Variants in IL1RAPL1 observed in about 807,000 individuals in gnomAD.
The protein encoded by IL1RAPL1 is interleukin 1 receptor accessory protein like 1.
A neutral mutation model predicts 48.4 loss-of-function variants in IL1RAPL1; 3 were observed. That is an observed-to-expected ratio of 0.06 (90% confidence interval 0.03 to 0.16). The LOEUF is 0.16. Ranked by LOEUF, IL1RAPL1 falls within the 10% of genes least tolerant of loss-of-function variation. The pLI, the probability that IL1RAPL1 is intolerant of heterozygous loss-of-function variation, is 1.00. For missense variants in IL1RAPL1, 349 were observed against 530.6 expected (o/e 0.66, Z 3.36); for synonymous variants, 185 against 187.7 (o/e 0.99, Z 0.12).
chrX:29,433,226 C>T (rs936535243), intron 5 of IL1RAPL1, among the ~76,000 whole-genome samples: 3 of 110,445 alleles, frequency 2.7e-5, no homozygotes, highest in East Asian at 2.8e-4. Context: ...CTTAAAATCC[C>T]GTACCACAGA....
chrX:29,088,256 T>C (rs1927998076), intron 2 of IL1RAPL1, among the ~76,000 whole-genome samples: 3 of 112,304 alleles, frequency 2.7e-5, no homozygotes, highest in Admixed American at 1.9e-4. Context: ...TTTTCTATGT[T>C]GAATTATGTA....
At chrX:28,763,820 C>G (rs767601023) in intron 1 of IL1RAPL1, among the ~76,000 whole-genome samples, 3 of 110,664 alleles carry the variant, frequency 2.7e-5, no homozygotes, top group African/African-American at 9.9e-5. Context: ...CATGGCAACC[C>G]TTAATCTAGT....
chrX:29,696,669 A>G (rs1009606494), intron 6 of IL1RAPL1, among the ~76,000 whole-genome samples: 9 of 111,998 alleles, frequency 8.0e-5, no homozygotes, highest in African/African-American at 2.9e-4. Flanking sequence ...CAGTTGGTCA[A>G]CATGAGCTTG....
intron 5 of IL1RAPL1, among the ~76,000 whole-genome samples, chrX:29,591,543 G>A (rs980750802): frequency 8.9e-6 from 1 of 111,980 alleles, no homozygotes; most frequent in Non-Finnish European, 1.9e-5. Flanking sequence ...TGCCTGGCTC[G>A]TCCCTCTGCC....
intron 2 of IL1RAPL1, among the ~76,000 whole-genome samples, chrX:29,265,586 G>A (rs1461773950): frequency 9.9e-6 from 1 of 101,333 alleles, no homozygotes; most frequent in Non-Finnish European, 2.0e-5. Flanking sequence ...TTGTCATTTA[G>A]CATTAGGTAT....
intron 6 of IL1RAPL1, among the ~76,000 whole-genome samples, chrX:29,773,049 A>G (rs1239637175): frequency 8.9e-6 from 1 of 112,094 alleles, no homozygotes; most frequent in Non-Finnish European, 1.9e-5. Context: ...TTGAAATAAT[A>G]GATGTGGAGA....
intron 1 of IL1RAPL1, among the ~76,000 whole-genome samples, chrX:28,588,883 C>G (rs192942654): frequency 9.0e-6 from 1 of 111,731 alleles, no homozygotes; most frequent in African/African-American, 3.3e-5. Flanking sequence ...AAGCAGAGAC[C>G]GTCCTTTTAT....
chrX:29,844,893 T>C (rs1290919325), intron 6 of IL1RAPL1, among the ~76,000 whole-genome samples: 1 of 112,106 alleles, frequency 8.9e-6, no homozygotes, highest in Non-Finnish European at 1.9e-5. Flanking sequence ...AATTGAATTA[T>C]AAGTGTCCTT....
rs192939228 is a variant in IL1RAPL1, at chrX:28,761,013, G to C, written c.-24-28307G>C. On this transcript the variant is annotated intron_variant, in intron 1 of 10. Coordinates refer to ENST00000378993, the MANE Select transcript of IL1RAPL1 (RefSeq NM_014271.4). ...AGGTGGGAGAATTGCTTGAACCTGG[G>C]GGGGCAGAGGTTGTAGTGAGCTGAG... Among the ~76,000 whole-genome samples the C allele has an allele frequency of 8.3e-5, 9 of 108,561 alleles. No homozygotes were observed. The East Asian group carries it at 1.2e-3, about 14-fold the overall frequency. 94.3% of individuals were successfully genotyped at this position (108,561 alleles called of 115,157 possible).
chrX:28,674,441 C>T (rs1456749841), intron 1 of IL1RAPL1, among the ~76,000 whole-genome samples: 2 of 111,111 alleles, frequency 1.8e-5, no homozygotes, highest in Non-Finnish European at 3.8e-5. Context: ...GGGGAAATAC[C>T]GTTCCTTTTT....
intron 6 of IL1RAPL1, among the ~76,000 whole-genome samples, chrX:29,827,702 C>T (rs776393777): frequency 5.5e-4 from 62 of 112,613 alleles, no homozygotes; most frequent in African/African-American, 2.0e-3. Context: ...GCCCTCCACT[C>T]GTCCTTTGAC....
At chrX:29,788,015 G>T (rs1474527240) in intron 6 of IL1RAPL1, among the ~76,000 whole-genome samples, 2 of 111,954 alleles carry the variant, frequency 1.8e-5, no homozygotes, top group East Asian at 5.6e-4. Context: ...CCCAGTATTT[G>T]TTGCTCAATG....
At chrX:28,890,798 A>T (rs1209149878) in intron 2 of IL1RAPL1, among the ~76,000 whole-genome samples, 1 of 112,187 alleles carries the variant, frequency 8.9e-6, no homozygotes, top group Non-Finnish European at 1.9e-5. Flanking sequence ...ACAATTAAGC[A>T]ACAAATAATT....
chrX:29,179,713 G>A (rs942134703), intron 2 of IL1RAPL1, among the ~76,000 whole-genome samples: 2 of 111,365 alleles, frequency 1.8e-5, no homozygotes, highest in African/African-American at 6.5e-5. Context: ...GCTCTGCTGT[G>A]ACTTTTAATT....
At chrX:29,902,508 ATT>A (rs902253249) in intron 6 of IL1RAPL1, among the ~76,000 whole-genome samples, 1 of 110,937 alleles carries the variant, frequency 9.0e-6, no homozygotes, top group Admixed American at 9.6e-5. Context: ...TCTTCATTTG[ATT>A]ACTGTGGGAA....
chrX:28,629,334 AAAC>A (rs1346389080), intron 1 of IL1RAPL1, among the ~76,000 whole-genome samples: 1 of 111,792 alleles, frequency 8.9e-6, no homozygotes, highest in Non-Finnish European at 1.9e-5. Context: ...ATTCCTGCTA[AAAC>A]TTCTAATGAT....
At chrX:28,689,158 G>A (rs935947589) in intron 1 of IL1RAPL1, among the ~76,000 whole-genome samples, 27 of 110,928 alleles carry the variant, frequency 2.4e-4, no homozygotes, top group African/African-American at 7.5e-4. Flanking sequence ...CCTAATATGA[G>A]AATGAAATTT....
At chrX:29,343,942 G>A (rs1279201597) in intron 3 of IL1RAPL1, among the ~76,000 whole-genome samples, 2 of 111,721 alleles carry the variant, frequency 1.8e-5, no homozygotes, top group East Asian at 2.8e-4. Context: ...GAGGAATTCC[G>A]CATTAGGACA....
At chrX:29,745,608 G>A (rs914673685) in intron 6 of IL1RAPL1, among the ~76,000 whole-genome samples, 1 of 107,353 alleles carries the variant, frequency 9.3e-6, no homozygotes, top group African/African-American at 3.4e-5. Flanking sequence ...CAACATGCCC[G>A]GCTCATTTTT....
Sources: allele counts gnomAD v4.1 joint callset (sites outside exome capture counted in the v4.1 genomes callset), GRCh38; gene constraint gnomAD v4.1.1; transcripts MANE v1.5; gene names NCBI Gene and HGNC (gene_info 2026-07-23, HGNC 2026-07-21).